PRSS12: variants seen among roughly 807,000 people sequenced by gnomAD.
PRSS12 encodes the protein serine protease 12.
PRSS12 carries 85 observed loss-of-function variants against 104.4 expected under a neutral mutation model. That is an observed-to-expected ratio of 0.81 (90% confidence interval 0.68 to 0.98). The LOEUF is 0.98. Ranked by LOEUF, PRSS12 falls within the 50% of genes least tolerant of loss-of-function variation. PRSS12 has a pLI of 0.00. For synonymous variants in PRSS12, 454 were observed against 425.2 expected, an observed-to-expected ratio of 1.07 and a Z score of -0.83; for missense variants, 1,141 against 1,139.2, an observed-to-expected ratio of 1.00 and a Z score of -0.02.
intron 4 of PRSS12, among the ~76,000 whole-genome samples, chr4:118,327,055 C>T (rs192117264): frequency 1.3e-5 from 2 of 152,212 alleles, no homozygotes; most frequent in East Asian, 1.9e-4. Context: ...CATTCAAAGC[C>T]GTCTTGGGCT....
Position 118,352,330 on chromosome 4 carries a change from G to A in PRSS12, c.391C>T (p.Arg131Ter). 1.3e-6 allele frequency: 2 copies of A among 1,588,712 alleles called. No individual in the cohort carries two copies. The change falls in exon 1 of 13, where the codon CGA (arginine) becomes TGA (stop). Residue 131 changes from arginine (R) to a stop codon, truncating the protein, a stop_gained. Transcript: ENST00000296498. LOFTEE classifies it high-confidence loss of function. Reference protein sequence around the residue: ...RSPPASWAQLRGQRHNFCRSP... With the variant: ...RSPPASWAQL Reference sequence around the variant, plus strand: ...CGACAAAAGTTGTGGCGCTGTCCTCGCAGCTGAGCCCAGCTCGCTGGGGGC... The same window carrying A: ...CGACAAAAGTTGTGGCGCTGTCCTCACAGCTGAGCCCAGCTCGCTGGGGGC...
In PRSS12 at chr4:118,283,286, T is replaced by C. The variant is rs544130382; in HGVS notation, c.2040-175A>G. ...TTCCTGATCCTCTACTGCAAACCCA[T>C]TGTCATAACCTCATCTTCATTTCAT... On this transcript the variant is annotated intron_variant, in intron 11 of 12. Transcript: ENST00000296498. Among the ~76,000 whole-genome samples the C allele has an allele frequency of 3.9e-5, 6 of 152,316 alleles. No individual in the cohort carries two copies. The South Asian group carries it at 6.2e-4, about 16-fold the overall frequency.
rs112993175 is a variant in PRSS12, at chr4:118,310,905, G to C, written c.1489+2296C>G. Among the ~76,000 whole-genome samples, 1,049 of 152,192 alleles carry C rather than the reference G, an allele frequency of 6.9e-3. 10 individuals carry two copies. Among genetic ancestry groups the C allele is most frequent in the African/African-American group, 0.024 (995 of 41,528 alleles). On this transcript the variant is annotated intron_variant, in intron 7 of 12. Coordinates refer to ENST00000296498, the MANE Select transcript of PRSS12 (RefSeq NM_003619.4). ...ATCTGTACTAAAAATACAAATATTA[G>C]CTGGGTGTGGTGGCAGGCACCTGTA...
rs1312481016 is a variant in PRSS12 at position 118,283,096 on chromosome 4, A to G, written c.2055T>C (p.Thr685=). The change falls in exon 12 of 13, where the codon ACT becomes ACC. Residue 685 remains threonine, a synonymous_variant. Coordinates refer to ENST00000296498, the MANE Select transcript of PRSS12 (RefSeq NM_003619.4). The part of the protein sequence containing the change: ...AHCFKRYGNS[T]RSYAVRVGDY... ...CTCCAACCCTAACAGCATAGCTCCT[A>G]GTGCTGTTGCCATACCTGAGAGGCA... 2 of 1,614,058 alleles carry G rather than the reference A, an allele frequency of 1.2e-6. No homozygotes were observed. The highest frequency in any genetic ancestry group is 1.7e-6 in the Non-Finnish European group (2 of 1,180,008).
In PRSS12 at chr4:118,326,705, A is replaced by G. The variant is rs78773616; in HGVS notation, c.971+5011T>C. The stretch of plus-strand genomic sequence containing the variant: ...CTCGCCATTTTACAAATAATGTAAC[A>G]TAACAGAAAAAATCCTAAATTGGGA... On this transcript the variant is annotated intron_variant, in intron 4 of 12. Coordinates refer to ENST00000296498, the MANE Select transcript of PRSS12 (RefSeq NM_003619.4). 7.1e-3 allele frequency among the ~76,000 whole-genome samples: 1,084 copies of G among 152,294 alleles called. 11 individuals carry two copies. Among genetic ancestry groups the G allele is most frequent in the African/African-American group, 0.024 (1,012 of 41,566 alleles).
At position 118,282,906 on chromosome 4, in the gene PRSS12, C is replaced by T. The variant is rs1054604056; in HGVS notation, c.2245G>A (p.Ala749Thr). The change falls in exon 12 of 13, where the codon GCC becomes ACC. Residue 749 changes from alanine to threonine, a missense_variant. Transcript: ENST00000296498. The stretch of plus-strand genomic sequence containing the variant: ...CTCTCTCTCCAGAGTGGTAAACAGG[C>T]TGGCAAAACATGGCTGCTGAATCTG... ...CARFSSHVLP[A>T]CLPLWRERPQ... 6.2e-7 allele frequency: 1 copy of T among 1,614,064 alleles called. No homozygotes were observed. The highest frequency in any genetic ancestry group is 1.3e-5 in the African/African-American group (1 of 74,918).
rs772157306 is a variant in PRSS12 at position 118,335,500 on chromosome 4, C to T, written c.793G>A (p.Ala265Thr). 5.0e-6 allele frequency: 8 copies of T among 1,613,886 alleles called. No homozygotes were observed. The highest frequency in any genetic ancestry group is 2.7e-5 in the African/African-American group (2 of 74,900). The change falls in exon 3 of 13, where the codon GCT (alanine) becomes ACT (threonine). Residue 265 changes from alanine to threonine, a missense_variant. Coordinates refer to ENST00000296498, the MANE Select transcript of PRSS12 (RefSeq NM_003619.4). ...QGGVCPQKMA[A>T]AVTCSFSHGP... Reference sequence around the variant, plus strand: ...TGGGAAAAGCTACACGTGACAGCAGCTGCCATCTTCTGAGGACACACCCCA... The same window carrying T: ...TGGGAAAAGCTACACGTGACAGCAGTTGCCATCTTCTGAGGACACACCCCA...
rs749129340 is a variant in PRSS12 at position 118,282,062 on chromosome 4, G to A, written c.2502C>T (p.Pro834=). The A allele has an allele frequency of 2.4e-5, 38 of 1,614,002 alleles. No homozygotes were observed. The African/African-American group carries it at 3.1e-4, about 13-fold the overall frequency. The change falls in exon 13 of 13, where the codon CCC becomes CCT. Residue 834 remains proline (P), a synonymous_variant. Coordinates refer to ENST00000296498, the MANE Select transcript of PRSS12 (RefSeq NM_003619.4). ...DSGGPLMCER[P]GESWVVYGVT... ...CCCCATACACCACCCAGCTCTCTCC[G>A]GGCCGTTCACACATGAGTGGTCCTC...
intron 1 of PRSS12, among the ~76,000 whole-genome samples, chr4:118,347,687 T>C (rs948093171): frequency 7.2e-5 from 11 of 152,120 alleles, no homozygotes; most frequent in African/African-American, 2.7e-4. Context: ...TGTTTTGTTG[T>C]GTTTGTTTTG....
Position 118,338,207 on chromosome 4 carries a change from C to T in PRSS12, c.610G>A (p.Ala204Thr), listed in dbSNP as rs528131664. The change falls in exon 2 of 13, where the codon GCA becomes ACA. Residue 204 changes from alanine to threonine, a missense_variant. Coordinates refer to ENST00000296498, the MANE Select transcript of PRSS12 (RefSeq NM_003619.4). ...VCSSHWDDSD[A>T]SVICHQLQLG... ...TGCAGCTGGTGACAAATGACTGATG[C>T]ATCAGAATCATCCCAGTGGCTGCTA... The T allele has an allele frequency of 2.2e-5, 36 of 1,613,908 alleles. No individual in the cohort carries two copies. The highest frequency in any genetic ancestry group is 1.6e-4 in the Middle Eastern group (1 of 6,084).
chr4:118,327,883 T>C (rs991340267), intron 4 of PRSS12, among the ~76,000 whole-genome samples: 7 of 152,196 alleles, frequency 4.6e-5, no homozygotes, highest in African/African-American at 1.7e-4. Flanking sequence ...TTTAGGAAGC[T>C]TGCCAGCTAC....
chr4:118,295,160 C>A, intron 10 of PRSS12, 99 bp from the exon 11 acceptor site: 1 of 1,457,996 alleles, frequency 6.9e-7, no homozygotes. Context: ...TAATGCCTTG[C>A]AGGTGGGGGA....
chr4:118,328,658 G>C (rs1186610624), intron 4 of PRSS12, among the ~76,000 whole-genome samples: 2 of 152,148 alleles, frequency 1.3e-5, no homozygotes, highest in Non-Finnish European at 2.9e-5. Context: ...GAGTCTTGCT[G>C]TCTCATCCAG....
At chr4:118,294,359 C>G (rs1463371948) in intron 11 of PRSS12, among the ~76,000 whole-genome samples, 1 of 152,156 alleles carries the variant, frequency 6.6e-6, no homozygotes, top group East Asian at 1.9e-4. Context: ...AAAGTAGAGC[C>G]AGTTCTACTG....
intron 3 of PRSS12, among the ~76,000 whole-genome samples, chr4:118,333,121 T>C (rs1376205675): frequency 6.6e-6 from 1 of 152,160 alleles, no homozygotes. Context: ...GGGAAGCATG[T>C]TCAGGCCACT....
At chr4:118,293,149 A>G (rs1408339596) in intron 11 of PRSS12, among the ~76,000 whole-genome samples, 2 of 151,990 alleles carry the variant, frequency 1.3e-5, no homozygotes, top group African/African-American at 4.8e-5. Context: ...AGGAACAAGG[A>G]TATATGAGAA....
chr4:118,326,217 T>C (rs1260331370), intron 4 of PRSS12, among the ~76,000 whole-genome samples: 1 of 152,206 alleles, frequency 6.6e-6, no homozygotes, highest in Non-Finnish European at 1.5e-5. Flanking sequence ...TATACAGAGT[T>C]TGTAATCCAT....
Position 118,335,454 on chromosome 4 carries a change from AC to A in PRSS12, c.820+18del. On this transcript the variant is annotated intron_variant, in intron 3 of 12. Coordinates refer to ENST00000296498, the MANE Select transcript of PRSS12 (RefSeq NM_003619.4). ...AACATAATGAAAGTAAAACAACAGA[AC>A]TTTTTTCTTTTTTTTACCATGGGAA... is the stretch of plus-strand genomic sequence containing the variant. 1 of 1,610,568 alleles carries A rather than the reference AC, an allele frequency of 6.2e-7. No homozygotes were observed. The highest frequency in any genetic ancestry group is 1.7e-5 in the Admixed American group (1 of 59,670).
intron 7 of PRSS12, among the ~76,000 whole-genome samples, chr4:118,312,750 G>T (rs907235403): frequency 2.0e-5 from 3 of 151,972 alleles, no homozygotes; most frequent in African/African-American, 7.3e-5. Flanking sequence ...ATGGATGGTT[G>T]GTGACCAACG....
Sources: gnomAD v4.1 joint callset for allele counts (sites outside exome capture counted in the v4.1 genomes callset) on GRCh38, gnomAD v4.1.1 for gene constraint, MANE v1.5 for transcripts, NCBI Gene and HGNC (gene_info 2026-07-23, HGNC 2026-07-21) for gene names.